The following TUBGCP6 variants were observed in gnomAD, a reference collection of about 807,000 sequenced individuals.
The protein encoded by TUBGCP6 is tubulin gamma complex component 6.
A neutral mutation model predicts 175.8 loss-of-function variants in TUBGCP6; 161 were observed. The observed-to-expected ratio is 0.92, with a 90% CI of 0.81 to 1.04. The LOEUF (loss-of-function observed/expected upper bound fraction) is 1.04. TUBGCP6 is among the 50% of genes least tolerant of loss of function. The probability of loss-of-function intolerance (pLI) is 0.00; values close to 1 mark genes in which losing one functional copy is unlikely to be tolerated. For synonymous variants in TUBGCP6, 1,173 were observed against 1,030.5 expected (o/e 1.14, Z -2.65); for missense variants, 2,572 against 2,433.0 (o/e 1.06, Z -1.20).
In TUBGCP6 at chr22:50,218,734, T is replaced by C; in HGVS notation, c.4790A>G (p.Asp1597Gly). 6.2e-7 allele frequency: 1 copy of C among 1,613,852 alleles called. No homozygotes were observed. Among genetic ancestry groups the C allele is most frequent in the Non-Finnish European group, 8.5e-7 (1 of 1,179,958 alleles). ...LPEVFAPNAP[D>G]VLSCLELRYK... ...CCTGAGCTCCAGGCAGCTCAGCACATCCGGGGCGTTGGGGGCAAACACCTC... is the reference window on the plus strand; with the variant it reads ...CCTGAGCTCCAGGCAGCTCAGCACACCCGGGGCGTTGGGGGCAAACACCTC... Residue 1597 changes from aspartate (D) to glycine (G), a missense_variant, in exon 21 of 25, where the codon GAT becomes GGT. By Grantham distance (94) the Asp-to-Gly change is moderately conservative. Transcript: ENST00000248846.
At chr22:50,240,094 T>C (rs2064821235) in intron 2 of TUBGCP6, 110 bp downstream of exon 2, 2 of 1,473,690 alleles carry the variant, frequency 1.4e-6, no homozygotes, top group African/African-American at 2.8e-5. Flanking sequence ...TACTAACCCA[T>C]CACAACTGCC....
intron 24 of TUBGCP6, 34 bp downstream of exon 24, chr22:50,217,884 C>T (rs749749382): frequency 5.0e-6 from 8 of 1,604,926 alleles, no homozygotes; most frequent in African/African-American, 2.7e-5. Flanking sequence ...CGCCCTGGCC[C>T]CCCCGCAGCC....
rs561584306 is a variant in TUBGCP6 at position 50,234,679 on chromosome 22, A to G, written c.906-1153T>C. ...CACCCACACCCCCGTCCACAGCAGC[A>G]TCTACACCCAGGTCCACAGCAGCAT... On this transcript the variant is annotated intron_variant, in intron 2 of 24. Transcript: ENST00000248846. 3.6e-3 allele frequency among the ~76,000 whole-genome samples: 498 copies of G among 136,592 alleles called. 3 individuals are homozygous for G. The highest frequency in any genetic ancestry group is 0.013 in the African/African-American group (468 of 35,194). 89.6% of individuals were successfully genotyped at this position (136,592 alleles called of 152,430 possible).
chr22:50,219,136 G>A lies in TUBGCP6; in HGVS notation c.4558C>T (p.Leu1520=). ...TCCTCCATCAGCAGGAAGTGCCGCA[G>A]TGCCTCATAGTGCGCCTCCAGGTGC... The part of the protein sequence containing the change: ...ELHLEAHYEA[L]RHFLLMEDGE... Residue 1520 remains leucine, a synonymous_variant, in exon 20 of 25, where the codon CTG becomes TTG. Coordinates refer to ENST00000248846, the MANE Select transcript of TUBGCP6 (RefSeq NM_020461.4). 1.2e-6 allele frequency: 2 copies of A among 1,613,068 alleles called. No homozygotes were observed. The highest frequency in any genetic ancestry group is 1.7e-6 in the Non-Finnish European group (2 of 1,179,982).
Position 50,229,898 on chromosome 22 carries a change from G to C in TUBGCP6, c.1117-321C>G, listed in dbSNP as rs181842921. ...AAGCTATAAAACATGACGGCCGTGA[G>C]ACCCGCTCATTTGACTCTTCGGGAT... On this transcript the variant is annotated intron_variant, in intron 3 of 24. Transcript: ENST00000248846. Among the ~76,000 whole-genome samples, 19 of 152,328 alleles carry C rather than the reference G, an allele frequency of 1.2e-4. No homozygotes were observed. The East Asian group carries it at 2.7e-3, about 22-fold the overall frequency.
chr22:50,220,689 T>C lies in TUBGCP6; in HGVS notation c.3670A>G (p.Arg1224Gly), dbSNP rs749308056. The C allele has an allele frequency of 1.9e-6, 3 of 1,610,384 alleles. No individual in the cohort carries two copies. The highest frequency in any genetic ancestry group is 2.2e-5 in the East Asian group (1 of 44,630). ...THGHVSDTSI[R>G]VGENVSDVAP... ...ACGTCCGATACGTTCTCCCCAACCC[T>C]GATGCTGGTGTCAGACACATGTCCG... Residue 1224 changes from arginine (R) to glycine (G), a missense_variant, in exon 16 of 25, where the codon AGG (arginine) becomes GGG (glycine). Physicochemically the swap from Arg to Gly is moderately radical, Grantham distance 125. Transcript: ENST00000248846.
At chr22:50,238,569 G>T (rs543242647) in intron 2 of TUBGCP6, among the ~76,000 whole-genome samples, 1 of 140,950 alleles carries the variant, frequency 7.1e-6, no homozygotes, top group African/African-American at 2.7e-5. Context: ...ACGGAGTCTC[G>T]CTCTGTCACC....
At chr22:50,241,069 T>C (rs545306181) in intron 1 of TUBGCP6, among the ~76,000 whole-genome samples, 1 of 152,362 alleles carries the variant, frequency 6.6e-6, no homozygotes, top group South Asian at 2.1e-4. Context: ...CAAGAATAGT[T>C]ACACTATAGA....
intron 21 of TUBGCP6, 38 bp from the exon 22 acceptor site, chr22:50,218,658 A>G (rs1293756558): frequency 1.9e-6 from 3 of 1,613,640 alleles, no homozygotes; most frequent in Non-Finnish European, 2.5e-6. Flanking sequence ...TCCCACAGGC[A>G]GGCAGGCCCC....
chr22:50,239,347 T>C (rs1311182546), intron 2 of TUBGCP6, among the ~76,000 whole-genome samples: 1 of 152,178 alleles, frequency 6.6e-6, no homozygotes, highest in East Asian at 1.9e-4. Context: ...CAGCTAATTT[T>C]TGTATTTTTA....
rs373111383 is a variant in TUBGCP6 at position 50,219,429 on chromosome 22, C to T, written c.4343G>A (p.Arg1448His). 15 of 1,570,502 alleles carry T rather than the reference C, an allele frequency of 9.6e-6. No homozygotes were observed. The highest frequency in any genetic ancestry group is 7.7e-5 in the Admixed American group (4 of 52,022). The change falls in exon 19 of 25, where the codon CGC becomes CAC. Residue 1448 changes from arginine (R) to histidine (H), a missense_variant. Transcript: ENST00000248846. ...GGCGAAGGCCCGGGGAAGCACGGGGCGCAAAAGATGAGCAATGGGCGGCTC... is the reference window on the plus strand; with the variant it reads ...GGCGAAGGCCCGGGGAAGCACGGGGTGCAAAAGATGAGCAATGGGCGGCTC... Reference protein sequence around the residue: ...MSEPPIAHLLRPVLPRAFAFP... With the variant: ...MSEPPIAHLLHPVLPRAFAFP...
chr22:50,224,924 GA>G (rs1234371887), intron 10 of TUBGCP6, among the ~76,000 whole-genome samples: 6 of 150,896 alleles, frequency 4.0e-5, no homozygotes, highest in Non-Finnish European at 8.9e-5. Context: ...CTGTCTCAAA[GA>G]AAAAAAAAGC....
rs180777137 is a variant in TUBGCP6 at position 50,243,932 on chromosome 22, C to T, written c.528G>A (p.Gln176=). 15 of 1,614,140 alleles carry T rather than the reference C, an allele frequency of 9.3e-6. No individual in the cohort carries two copies. The highest frequency in any genetic ancestry group is 1.0e-5 in the Non-Finnish European group (12 of 1,180,040). Residue 176 remains glutamine (Q), a synonymous_variant, in exon 1 of 25, where the codon CAG becomes CAA. Transcript: ENST00000248846. ...REECLCHSMI[Q]ETLQVMEAAP... ...CAGCCTCCATAACCTGAAGTGTTTC[C>T]TGGATCATGCTGTGACACAAACACT...
Position 50,218,763 on chromosome 22 carries a change from C to T in TUBGCP6, c.4761G>A (p.Leu1587=), listed in dbSNP as rs965719982. ...GGGCGTTGGGGGCAAACACCTCGGG[C>T]AGGTACTTGAGAGCGAGGGAGAGGT... ...ASNLSLALKY[L]PEVFAPNAPD... Residue 1587 remains leucine, a synonymous_variant, in exon 21 of 25, where the codon CTG becomes CTA. Transcript: ENST00000248846. 16 of 1,613,950 alleles carry T rather than the reference C, an allele frequency of 9.9e-6. No individual in the cohort carries two copies. Among genetic ancestry groups the T allele is most frequent in the African/African-American group, 4.0e-5 (3 of 74,928 alleles).
chr22:50,218,423 G>A, intron 22 of TUBGCP6, 21 bp from the exon 23 acceptor site: 1 of 1,612,596 alleles, frequency 6.2e-7, no homozygotes, highest in East Asian at 2.2e-5. Flanking sequence ...GCAGAAGGCA[G>A]AGGGCAGAGG....
In TUBGCP6 at chr22:50,243,880, C is replaced by T. The variant is rs760748745; in HGVS notation, c.580G>A (p.Gly194Arg). 1.9e-6 allele frequency: 3 copies of T among 1,613,720 alleles called. No individual in the cohort carries two copies. The highest frequency in any genetic ancestry group is 1.3e-5 in the African/African-American group (1 of 74,984). The change falls in exon 1 of 25, where the codon GGG (glycine) becomes AGG (arginine). Residue 194 changes from glycine to arginine, a missense_variant. Coordinates refer to ENST00000248846, the MANE Select transcript of TUBGCP6 (RefSeq NM_020461.4). Reference protein sequence around the residue: ...AAPGTGLPTVGLFSFGDPCGD... With the variant: ...AAPGTGLPTVRLFSFGDPCGD... ...CAAGGGTCACCAAATGAGAAGAGCC[C>T]GACGGTGGGCAGGCCAGTGCCTGGA... is the stretch of plus-strand genomic sequence containing the variant.
intron 6 of TUBGCP6, 66 bp downstream of exon 6, chr22:50,226,933 C>T (rs761842118): frequency 4.2e-5 from 66 of 1,568,560 alleles, no homozygotes; most frequent in African/African-American, 5.4e-5. Flanking sequence ...TCCAGGGACA[C>T]GCTCAGCCAC....
chr22:50,239,131 C>T (rs368673282), intron 2 of TUBGCP6, among the ~76,000 whole-genome samples: 6 of 152,188 alleles, frequency 3.9e-5, no homozygotes, highest in African/African-American at 1.4e-4. Flanking sequence ...TGGATGTGAA[C>T]GGGGCATTCC....
Position 50,244,679 on chromosome 22 carries a change from C to A in TUBGCP6, c.-220G>T. On this transcript the variant is annotated 5_prime_UTR_variant, in exon 1 of 25. Coordinates refer to ENST00000248846, the MANE Select transcript of TUBGCP6 (RefSeq NM_020461.4). ...CCCTCCCCAGTCCAAGCACGCTGCC[C>A]GGCGCCCGGCAGCCCACCAGAAGCC... 1 of 669,618 alleles carries A rather than the reference C, an allele frequency of 1.5e-6. No homozygotes were observed. The highest frequency in any genetic ancestry group is 2.4e-6 in the Non-Finnish European group (1 of 425,308). 41.5% of individuals were successfully genotyped at this position (669,618 alleles called of 1,614,324 possible). A position where few individuals can be genotyped will look rare whatever the true frequency, so the allele number is the denominator to read the frequency against.
Sources: allele counts gnomAD v4.1 joint callset (sites outside exome capture counted in the v4.1 genomes callset), GRCh38; gene constraint gnomAD v4.1.1; transcripts MANE v1.5; gene names NCBI Gene and HGNC (gene_info 2026-07-23, HGNC 2026-07-21).